ARL6IP5: variants seen among roughly 807,000 people sequenced by gnomAD.
ARL6IP5 encodes PRA1 family protein 3.
ARL6IP5 carries 6 observed loss-of-function variants against 13.0 expected under a neutral mutation model. That is an observed-to-expected ratio of 0.46 (90% CI 0.25 to 0.91). ARL6IP5 has a LOEUF of 0.91. ARL6IP5 is among the 40% of genes least tolerant of loss of function. The pLI is 0.17. For missense variants in ARL6IP5, 208 were observed against 248.8 expected (o/e 0.84, Z 1.10); for synonymous variants, 91 against 91.9 (o/e 0.99, Z 0.06).
At position 69,093,084 on chromosome 3, in the gene ARL6IP5, C is replaced by T. The variant is rs118018362; in HGVS notation, c.176+7861C>T. Among the ~76,000 whole-genome samples the T allele has an allele frequency of 3.4e-4, 52 of 152,166 alleles. No homozygotes were observed. The East Asian group carries it at 9.5e-3, about 28-fold the overall frequency. ...TGTACACAACTATTATTTGAAGCTC[C>T]GTCACTGTGGGAAGCGTCAGATTTA... On this transcript the variant is annotated intron_variant, in intron 1 of 2. Coordinates refer to ENST00000273258, the MANE Select transcript of ARL6IP5 (RefSeq NM_006407.4).
intron 1 of ARL6IP5, among the ~76,000 whole-genome samples, chr3:69,087,203 G>A (rs1020973804): frequency 6.6e-6 from 1 of 151,566 alleles, no homozygotes; most frequent in Admixed American, 6.6e-5. Flanking sequence ...TTTAGAGATG[G>A]GGTCTCACTA....
chr3:69,091,654 C>CTTT (rs529198443), intron 1 of ARL6IP5, among the ~76,000 whole-genome samples: 1 of 105,746 alleles, frequency 9.5e-6, no homozygotes, highest in Non-Finnish European at 1.9e-5. Flanking sequence ...CTCCGTCCAG[C>CTTT]TTTTTTTTTT....
intron 1 of ARL6IP5, among the ~76,000 whole-genome samples, chr3:69,088,341 G>A (rs968576667): frequency 2.6e-5 from 4 of 152,176 alleles, no homozygotes; most frequent in African/African-American, 9.7e-5. Flanking sequence ...GAATATCTTG[G>A]TAGAGTATAT....
At chr3:69,088,616 T>C (rs1401699834) in intron 1 of ARL6IP5, among the ~76,000 whole-genome samples, 1 of 152,148 alleles carries the variant, frequency 6.6e-6, no homozygotes, top group African/African-American at 2.4e-5. Context: ...TAGAGATAAA[T>C]CTGTGTTTAA....
Position 69,104,557 on chromosome 3 carries a change from G to GC in ARL6IP5, c.489dup (p.Ile164HisfsTer18). On this transcript the variant is annotated frameshift_variant, in exon 3 of 3. Transcript: ENST00000273258. LOFTEE classifies it high-confidence loss of function. ...ATAGGTTTGAAGAGGACACCGATGG[G>GC]CATTGTCCTGGATGCCCTAGAACAG... 6.2e-7 allele frequency: 1 copy of GC among 1,614,064 alleles called. No individual in the cohort carries two copies.
At position 69,104,796 on chromosome 3, in the gene ARL6IP5, G is replaced by A. The variant is rs1481189173; in HGVS notation, c.*160G>A. 1.2e-6 allele frequency: 1 copy of A among 834,582 alleles called. No individual in the cohort carries two copies. 51.7% of individuals were successfully genotyped at this position (834,582 alleles called of 1,614,324 possible). ...AGGCCGAACTATTATCAGCTCTGAT[G>A]TTTCAGAGAGAAGACCTCAGAAACC... On this transcript the variant is annotated 3_prime_UTR_variant, in exon 3 of 3. Coordinates refer to ENST00000273258, the MANE Select transcript of ARL6IP5 (RefSeq NM_006407.4).
intron 1 of ARL6IP5, among the ~76,000 whole-genome samples, chr3:69,085,746 AG>A (rs556401244): frequency 2.6e-5 from 4 of 151,850 alleles, no homozygotes; most frequent in Non-Finnish European, 5.9e-5. Context: ...TGGGATCAAA[AG>A]GGGGGGTGTC....
rs749872938 is a variant in ARL6IP5, at chr3:69,100,939, G to A, written c.177-900G>A. On this transcript the variant is annotated intron_variant, in intron 1 of 2. Transcript: ENST00000273258. ...ACTCAAGCCAGCTGTTGACATGTGG[G>A]AAAGTGGGCCTAGCACTGTTATTTT... Among the ~76,000 whole-genome samples the A allele has an allele frequency of 5.3e-5, 8 of 152,124 alleles. 1 individual carries two copies. Among genetic ancestry groups the A allele is most frequent in the Non-Finnish European group, 1.2e-4 (8 of 68,022 alleles).
intron 1 of ARL6IP5, among the ~76,000 whole-genome samples, chr3:69,092,592 T>C (rs2092271540): frequency 6.6e-6 from 1 of 152,174 alleles, no homozygotes; most frequent in South Asian, 2.1e-4. Flanking sequence ...TGCCTTAGCC[T>C]CCAAGTAGCT....
chr3:69,091,152 C>A (rs546042831), intron 1 of ARL6IP5, among the ~76,000 whole-genome samples: 1 of 152,210 alleles, frequency 6.6e-6, no homozygotes, highest in African/African-American at 2.4e-5. Flanking sequence ...GAGCCAAGAA[C>A]GCACGCCACT....
chr3:69,085,993 C>G (rs960642038), intron 1 of ARL6IP5, among the ~76,000 whole-genome samples: 2 of 152,192 alleles, frequency 1.3e-5, no homozygotes, highest in Non-Finnish European at 2.9e-5. Context: ...TTCTAGTTCA[C>G]CCTTTAAGAA....
chr3:69,097,389 G>T (rs1404807790), intron 1 of ARL6IP5, among the ~76,000 whole-genome samples: 1 of 151,224 alleles, frequency 6.6e-6, no homozygotes, highest in Admixed American at 6.6e-5. Context: ...GCCTAGGATG[G>T]CCTCAAACTC....
At chr3:69,099,138 T>A (rs111563173) in intron 1 of ARL6IP5, among the ~76,000 whole-genome samples, 10 of 18,566 alleles carry the variant, frequency 5.4e-4, no homozygotes, top group South Asian at 6.4e-3. Context: ...GCGGGGGGGG[T>A]GGGGGGTGGA....
intron 1 of ARL6IP5, among the ~76,000 whole-genome samples, chr3:69,085,748 G>A (rs893149829): frequency 6.6e-6 from 1 of 152,112 alleles, no homozygotes; most frequent in Non-Finnish European, 1.5e-5. Flanking sequence ...GGATCAAAAG[G>A]GGGGGTGTCT....
chr3:69,093,860 A>AG, intron 1 of ARL6IP5, among the ~76,000 whole-genome samples: 1 of 152,280 alleles, frequency 6.6e-6, no homozygotes, highest in Middle Eastern at 3.4e-3. Context: ...CAGAAGGCTG[A>AG]GGAAGGTCAC....
intron 1 of ARL6IP5, among the ~76,000 whole-genome samples, chr3:69,098,456 G>A (rs1404983124): frequency 2.0e-5 from 3 of 151,954 alleles, no homozygotes; most frequent in Admixed American, 6.6e-5. Flanking sequence ...TGTAGGCCAG[G>A]CTGGTCTTGA....
At chr3:69,099,214 T>C (rs1010824268) in intron 1 of ARL6IP5, among the ~76,000 whole-genome samples, 1 of 146,170 alleles carries the variant, frequency 6.8e-6, no homozygotes, top group Non-Finnish European at 1.5e-5. Context: ...TTACTAAAAA[T>C]ACAAAAATTA....
At position 69,105,038 on chromosome 3, in the gene ARL6IP5, A is replaced by G; in HGVS notation, c.*402A>G. On this transcript the variant is annotated 3_prime_UTR_variant, in exon 3 of 3. Transcript: ENST00000273258. ...TGAAAAGGCTGTTAAAGTAGATGACATCATGTGTTAGCCTGTTCCTAATCC... is the reference window on the plus strand; with the variant it reads ...TGAAAAGGCTGTTAAAGTAGATGACGTCATGTGTTAGCCTGTTCCTAATCC... The G allele has an allele frequency of 3.3e-6, 2 of 613,380 alleles. No individual in the cohort carries two copies. The highest frequency in any genetic ancestry group is 5.8e-6 in the Non-Finnish European group (2 of 347,626). 38.0% of individuals were successfully genotyped at this position (613,380 alleles called of 1,614,324 possible). A position where few individuals can be genotyped will look rare whatever the true frequency, so the allele number is the denominator to read the frequency against.
At chr3:69,096,299 T>G (rs1169339595) in intron 1 of ARL6IP5, among the ~76,000 whole-genome samples, 1 of 152,200 alleles carries the variant, frequency 6.6e-6, no homozygotes, top group African/African-American at 2.4e-5. Context: ...AAATTTGGAA[T>G]TGCTTGAGTT....
Sources: gnomAD v4.1 joint callset for allele counts (sites outside exome capture counted in the v4.1 genomes callset) on GRCh38, gnomAD v4.1.1 for gene constraint, MANE v1.5 for transcripts, NCBI Gene and HGNC (gene_info 2026-07-23, HGNC 2026-07-21) for gene names.